The following BDNF variants were observed in gnomAD, a reference collection of about 807,000 sequenced individuals.
The protein encoded by BDNF is neurotrophic factor BDNF precursor form.
BDNF carries 1 observed loss-of-function variant against 19.5 expected under a neutral mutation model. The observed-to-expected ratio is 0.05, with a 90% CI of 0.02 to 0.24. BDNF has a LOEUF of 0.24. Among genes scored for constraint, BDNF ranks in the 10% least tolerant of loss-of-function variants. The pLI, the probability that BDNF is intolerant of heterozygous loss-of-function variation, is 1.00. For missense variants in BDNF, 195 were observed against 317.6 expected (o/e 0.61, Z 2.93); for synonymous variants, 100 against 121.6 (o/e 0.82, Z 1.17).
upstream of BDNF, among the ~76,000 whole-genome samples, chr11:27,702,384 A>G (rs1859943568): frequency 6.6e-6 from 1 of 152,198 alleles, no homozygotes; most frequent in Admixed American, 6.5e-5. Context: ...ATCTGAAGTC[A>G]CACTTTGAGA....
At chr11:27,720,493 G>A in intron 1 of BDNF, 2 of 985,900 alleles carry the variant, frequency 2.0e-6, no homozygotes, top group Non-Finnish European at 2.4e-6. Context: ...CGAGCTCAAT[G>A]AGGGGACCAA....
At chr11:27,693,577 T>C (rs1858584470) in intron 1 of BDNF, among the ~76,000 whole-genome samples, 1 of 152,190 alleles carries the variant, frequency 6.6e-6, no homozygotes, top group Non-Finnish European at 1.5e-5. Context: ...TTCCCAATGT[T>C]GCATAAGAGG....
At chr11:27,711,325 C>T (rs766957278) in intron 1 of BDNF, among the ~76,000 whole-genome samples, 2 of 152,168 alleles carry the variant, frequency 1.3e-5, no homozygotes, top group Admixed American at 6.5e-5. Flanking sequence ...CCTAACAAAA[C>T]ATTGTAATAC....
chr11:27,719,254 G>C (rs1860652017), intron 1 of BDNF, among the ~76,000 whole-genome samples: 1 of 152,218 alleles, frequency 6.6e-6, no homozygotes, highest in African/African-American at 2.4e-5. Flanking sequence ...CCGGGTGGCG[G>C]CGGCGGCTCA....
chr11:27,696,679 T>G (rs1286484434), intron 1 of BDNF, among the ~76,000 whole-genome samples: 1 of 152,232 alleles, frequency 6.6e-6, no homozygotes, highest in African/African-American at 2.4e-5. Flanking sequence ...GAGTGCTCTA[T>G]AACAATTGTT....
Position 27,719,107 on chromosome 11 carries a change from G to T in BDNF, c.3+2305C>A, listed in dbSNP as rs1860643306. Among the ~76,000 whole-genome samples, 3 of 152,230 alleles carry T rather than the reference G, an allele frequency of 2.0e-5. No individual in the cohort carries two copies. The South Asian group carries it at 6.2e-4, about 31-fold the overall frequency. On this transcript the variant is annotated intron_variant, in intron 1 of 1. Coordinates refer to the BDNF transcript ENST00000314915. ...AGTGGCAAGAGGATAACGCAGCCGC[G>T]CGTTCCGGCAGTTCGCTGTCCCCCG...
chr11:27,667,079 C>T (rs1240976357), intron 1 of BDNF, among the ~76,000 whole-genome samples: 2 of 151,458 alleles, frequency 1.3e-5, no homozygotes, highest in Middle Eastern at 3.2e-3. Context: ...TCGGCAGAAA[C>T]TCTACAAGCC....
At chr11:27,685,456 G>T (rs1021576716) in intron 1 of BDNF, among the ~76,000 whole-genome samples, 1 of 152,068 alleles carries the variant, frequency 6.6e-6, no homozygotes, top group African/African-American at 2.4e-5. Flanking sequence ...GAATGTGTTT[G>T]CTCTTGCTTC....
upstream of BDNF, chr11:27,700,519 C>CGGGGGGG: frequency 2.6e-6 from 2 of 759,746 alleles, no homozygotes; most frequent in Non-Finnish European, 1.5e-6. Context: ...CAAACGGCGC[C>CGGGGGGG]GCCCCCCCCC....
intron 1 of BDNF, among the ~76,000 whole-genome samples, chr11:27,697,040 G>C (rs1264171446): frequency 6.6e-6 from 1 of 151,972 alleles, no homozygotes; most frequent in Non-Finnish European, 1.5e-5. Flanking sequence ...TTCCTTAAGA[G>C]TAAGTCTACG....
intron 1 of BDNF, among the ~76,000 whole-genome samples, chr11:27,711,828 T>C (rs970834370): frequency 2.0e-5 from 3 of 152,222 alleles, no homozygotes; most frequent in African/African-American, 7.2e-5. Context: ...GGTGTAGTAA[T>C]GACAAACAGG....
intron 1 of BDNF, among the ~76,000 whole-genome samples, chr11:27,689,867 C>T (rs1025978859): frequency 4.6e-5 from 7 of 151,934 alleles, no homozygotes; most frequent in African/African-American, 1.7e-4. Context: ...CTGACGCACT[C>T]TCTCCCTTCC....
Position 27,667,913 on chromosome 11 carries a change from G to A in BDNF, c.-21-9328C>T, listed in dbSNP as rs148584414. On this transcript the variant is annotated intron_variant, in intron 1 of 1. Coordinates refer to ENST00000356660, the MANE Select transcript of BDNF (RefSeq NM_001709.5). Reference sequence around the variant, plus strand: ...AATTGAACTCAGCTCTGCACCAAGCGGACCTAATAGACATCTACAGAACTC... The same window carrying A: ...AATTGAACTCAGCTCTGCACCAAGCAGACCTAATAGACATCTACAGAACTC... Among the ~76,000 whole-genome samples the A allele has an allele frequency of 1.4e-3, 216 of 152,168 alleles. 2 individuals carry two copies. Among genetic ancestry groups the A allele is most frequent in the African/African-American group, 4.1e-3 (169 of 41,512 alleles).
At chr11:27,711,382 T>G (rs1246478710) in intron 1 of BDNF, among the ~76,000 whole-genome samples, 2 of 152,150 alleles carry the variant, frequency 1.3e-5, no homozygotes, top group Non-Finnish European at 2.9e-5. Context: ...AAAGGGTAGG[T>G]GACAATTAGC....
chr11:27,664,045 A>AG (rs1429257699), intron 1 of BDNF, among the ~76,000 whole-genome samples: 4 of 151,592 alleles, frequency 2.6e-5, no homozygotes, highest in Non-Finnish European at 5.9e-5. Flanking sequence ...AAAAAAAAAA[A>AG]GTCTTGTTTG....
intron 1 of BDNF, chr11:27,674,685 C>T: frequency 1.0e-6 from 1 of 985,388 alleles, no homozygotes; most frequent in Non-Finnish European, 1.2e-6. Context: ...GTACTGTGAA[C>T]AACAGGACTG....
chr11:27,712,010 C>T (rs933031367), intron 1 of BDNF, among the ~76,000 whole-genome samples: 7 of 152,278 alleles, frequency 4.6e-5, no homozygotes, highest in African/African-American at 1.7e-4. Flanking sequence ...ATAGCAAGCT[C>T]AGTCAATAGA....
Position 27,681,687 on chromosome 11 carries a change from C to T in BDNF, c.-22+18477G>A, listed in dbSNP as rs112503604. 4.9e-3 allele frequency among the ~76,000 whole-genome samples: 739 copies of T among 152,200 alleles called. 4 individuals are homozygous for T. The highest frequency in any genetic ancestry group is 0.017 in the African/African-American group (709 of 41,538). On this transcript the variant is annotated intron_variant, in intron 1 of 1. Coordinates refer to ENST00000356660, the MANE Select transcript of BDNF (RefSeq NM_001709.5). ...GAAGCATATTTAGGTATGAAGCATG[C>T]TGATTAAACTTTTTATTGTCTTAAT...
intron 1 of BDNF, among the ~76,000 whole-genome samples, chr11:27,681,151 A>G (rs961749168): frequency 2.6e-5 from 4 of 152,128 alleles, no homozygotes; most frequent in Non-Finnish European, 5.9e-5. Context: ...GATTTCCCTC[A>G]ACATTGTTCT....
Sources: gnomAD v4.1 joint callset for allele counts (sites outside exome capture counted in the v4.1 genomes callset) on GRCh38, gnomAD v4.1.1 for gene constraint, MANE v1.5 for transcripts, NCBI Gene and HGNC (gene_info 2026-07-23, HGNC 2026-07-21) for gene names.